CADM2: variants seen among roughly 807,000 people sequenced by gnomAD.
CADM2 encodes cell adhesion molecule 2, also known as immunoglobulin superfamily member 4D.
A neutral mutation model predicts 49.8 loss-of-function variants in CADM2; 12 were observed. The observed-to-expected ratio is 0.24, with a 90% CI of 0.15 to 0.39. The LOEUF is 0.39. Among genes scored for constraint, CADM2 ranks in the 10% least tolerant of loss-of-function variants. The pLI, the probability that CADM2 is intolerant of heterozygous loss-of-function variation, is 1.00. For synonymous variants in CADM2, 214 were observed against 175.4 expected (o/e 1.22, Z -1.74); for missense variants, 378 against 492.3 (o/e 0.77, Z 2.20).
At chr3:84,963,120 A>AT in intron 1 of CADM2, among the ~76,000 whole-genome samples, 1 of 152,188 alleles carries the variant, frequency 6.6e-6, no homozygotes, top group Non-Finnish European at 1.5e-5. Context: ...ATAACTTGGA[A>AT]TGTAGGCTAC....
rs962592156 is a variant in CADM2 at position 86,066,977 on chromosome 3, G to T, written c.*194G>T. 5 of 559,230 alleles carry T rather than the reference G, an allele frequency of 8.9e-6. No homozygotes were observed. In the South Asian group the frequency reaches 1.1e-4, roughly 13 times the overall value. The allele number at this position is 559,230 out of a possible 1,614,324, so 34.6% of individuals were successfully genotyped here. ...CTTTAATTACTGTACCATCCATAAT[G>T]CAGGACATTTCTTACTGCCTAAATT... On this transcript the variant is annotated 3_prime_UTR_variant, in exon 10 of 10. Transcript: ENST00000383699.
chr3:85,850,615 AC>A (rs1028648357), intron 3 of CADM2, among the ~76,000 whole-genome samples: 5 of 152,068 alleles, frequency 3.3e-5, no homozygotes, highest in African/African-American at 1.2e-4. Flanking sequence ...GGCGTGAGCC[AC>A]CGCACCCAGC....
In CADM2 at chr3:85,380,926, A is replaced by C. The variant is rs559391481; in HGVS notation, c.62-345596A>C. Reference sequence around the variant, plus strand: ...CATAATAGCAACACAGTACATTTTTATTTATTGTATTAATGTAATCTTAAA... The same window carrying C: ...CATAATAGCAACACAGTACATTTTTCTTTATTGTATTAATGTAATCTTAAA... On this transcript the variant is annotated intron_variant, in intron 1 of 9. Coordinates refer to ENST00000383699, the MANE Select transcript of CADM2 (RefSeq NM_001167675.2). Among the ~76,000 whole-genome samples, 36 of 152,180 alleles carry C rather than the reference A, an allele frequency of 2.4e-4. No homozygotes were observed. In the South Asian group the frequency reaches 4.8e-3, roughly 20 times the overall value.
chr3:85,886,081 C>T (rs1271116141), intron 4 of CADM2, 109 bp from the exon 5 acceptor site: 1 of 1,499,432 alleles, frequency 6.7e-7, no homozygotes, highest in Admixed American at 2.1e-5. Context: ...CTTGATCGAA[C>T]TTCTTGTCAA....
intron 1 of CADM2, among the ~76,000 whole-genome samples, chr3:85,643,666 T>A (rs941937201): frequency 1.6e-4 from 24 of 152,162 alleles, no homozygotes; most frequent in Admixed American, 1.4e-3. Flanking sequence ...TGTCTAAACC[T>A]GACAATACTT....
chr3:85,834,016 G>C (rs932381135), intron 3 of CADM2, among the ~76,000 whole-genome samples: 1 of 151,464 alleles, frequency 6.6e-6, no homozygotes, highest in Non-Finnish European at 1.5e-5. Context: ...TCATTTATTT[G>C]TTGTCATTAG....
chr3:85,925,799 C>A (rs965258919), intron 6 of CADM2, among the ~76,000 whole-genome samples: 1 of 152,102 alleles, frequency 6.6e-6, no homozygotes, highest in Non-Finnish European at 1.5e-5. Flanking sequence ...AGCTCCCTAT[C>A]TTTTGTAACA....
intron 1 of CADM2, among the ~76,000 whole-genome samples, chr3:85,345,354 G>T (rs1309216695): frequency 7.0e-6 from 1 of 143,594 alleles, no homozygotes; most frequent in East Asian, 2.1e-4. Flanking sequence ...AAAATGCCCT[G>T]AATCAAAAAT....
At chr3:85,011,036 T>G (rs1576027086) in intron 1 of CADM2, among the ~76,000 whole-genome samples, 1 of 151,642 alleles carries the variant, frequency 6.6e-6, no homozygotes, top group Non-Finnish European at 1.5e-5. Context: ...GCTAATTTTT[T>G]TGTATTTTTA....
chr3:84,959,358 G>A lies in CADM2; in HGVS notation c.-250G>A, dbSNP rs2030213616. The A allele has an allele frequency of 2.1e-5, 12 of 563,346 alleles. No individual in the cohort carries two copies. In the South Asian group the frequency reaches 2.3e-4, roughly 11 times the overall value. The allele number at this position is 563,346 out of a possible 1,614,324, so 34.9% of individuals were successfully genotyped here. On this transcript the variant is annotated 5_prime_UTR_variant, in exon 1 of 10. Coordinates refer to ENST00000383699, the MANE Select transcript of CADM2 (RefSeq NM_001167675.2). Reference sequence around the variant, plus strand: ...ACCCCTGCCTGGAAGACGGGCTGTCGCGGCTGCACCACCAGCAGGAGGAGG... The same window carrying A: ...ACCCCTGCCTGGAAGACGGGCTGTCACGGCTGCACCACCAGCAGGAGGAGG...
chr3:85,274,267 G>C (rs1413750394), intron 1 of CADM2, among the ~76,000 whole-genome samples: 1 of 151,340 alleles, frequency 6.6e-6, no homozygotes, highest in Non-Finnish European at 1.5e-5. Context: ...GAGTTCAGGA[G>C]ACGCATATAA....
intron 7 of CADM2, among the ~76,000 whole-genome samples, chr3:85,941,811 T>G (rs751371185): frequency 1.3e-5 from 2 of 152,082 alleles, no homozygotes; most frequent in Non-Finnish European, 2.9e-5. Context: ...ACTAAGTAGA[T>G]GGCTTGGCTC....
At chr3:86,049,323 G>T (rs1340315116) in intron 8 of CADM2, among the ~76,000 whole-genome samples, 1 of 149,670 alleles carries the variant, frequency 6.7e-6, no homozygotes, top group Non-Finnish European at 1.5e-5. Context: ...CTCCCAGGCT[G>T]GAGTGCAGTG....
At chr3:85,084,703 A>G (rs531094278) in intron 1 of CADM2, among the ~76,000 whole-genome samples, 1 of 152,302 alleles carries the variant, frequency 6.6e-6, no homozygotes, top group South Asian at 2.1e-4. Flanking sequence ...GAATATGGCT[A>G]CTAAAAAAAT....
intron 3 of CADM2, among the ~76,000 whole-genome samples, chr3:85,809,755 C>T (rs1577363231): frequency 2.5e-5 from 2 of 80,476 alleles, no homozygotes; most frequent in African/African-American, 1.9e-4. Context: ...TCTCTCCCTC[C>T]CTCCCTCCCT....
chr3:86,024,686 G>A (rs1009861842), intron 8 of CADM2, among the ~76,000 whole-genome samples: 9 of 151,908 alleles, frequency 5.9e-5, no homozygotes, highest in Non-Finnish European at 1.2e-4. Flanking sequence ...ATCACATTGT[G>A]GGCCTTTGGA....
chr3:85,942,321 T>A (rs1722022757), intron 7 of CADM2, among the ~76,000 whole-genome samples: 1 of 74,020 alleles, frequency 1.4e-5, no homozygotes, highest in African/African-American at 1.4e-4. Context: ...CATGCCAAAT[T>A]GTTTTTTTTT....
At chr3:85,627,230 A>G in intron 1 of CADM2, among the ~76,000 whole-genome samples, 1 of 152,022 alleles carries the variant, frequency 6.6e-6, no homozygotes, top group East Asian at 1.9e-4. Context: ...GGAACAGTGA[A>G]GTGAGTTTCC....
At chr3:85,161,817 A>ATAC (rs1334134599) in intron 1 of CADM2, among the ~76,000 whole-genome samples, 1 of 152,082 alleles carries the variant, frequency 6.6e-6, no homozygotes, top group Admixed American at 6.5e-5. Context: ...CAGGAGTTTG[A>ATAC]TACTAGTCTG....
Sources: allele counts gnomAD v4.1 joint callset (sites outside exome capture counted in the v4.1 genomes callset), GRCh38; gene constraint gnomAD v4.1.1; transcripts MANE v1.5; gene names NCBI Gene and HGNC (gene_info 2026-07-23, HGNC 2026-07-21).